ARFIP1: variants seen among roughly 807,000 people sequenced by gnomAD.
The protein encoded by ARFIP1 is arfaptin-1.
ARFIP1 carries 24 observed loss-of-function variants against 42.5 expected under a neutral mutation model. The ratio of observed to expected loss-of-function variants is 0.57; its 90% CI spans 0.41 to 0.80. The LOEUF is 0.80. Ranked by LOEUF, ARFIP1 falls within the 30% of genes least tolerant of loss-of-function variation. ARFIP1 has a pLI of 0.00. For missense variants in ARFIP1, 354 were observed against 434.0 expected (o/e 0.82, Z 1.64); for synonymous variants, 141 against 153.7 (o/e 0.92, Z 0.61).
At chr4:152,854,618 AC>A (rs1325847576) in intron 2 of ARFIP1, among the ~76,000 whole-genome samples, 1 of 152,044 alleles carries the variant, frequency 6.6e-6, no homozygotes, top group African/African-American at 2.4e-5. Context: ...GTAGGGGAGG[AC>A]TTTTTCCTGA....
chr4:152,899,650 TC>T (rs573436906), intron 8 of ARFIP1, among the ~76,000 whole-genome samples: 163 of 152,290 alleles, frequency 1.1e-3, no homozygotes, highest in Admixed American at 2.3e-3. Flanking sequence ...CAGGCCTTTC[TC>T]CAGTTAAAGC....
intron 5 of ARFIP1, among the ~76,000 whole-genome samples, chr4:152,878,388 A>G (rs1033914697): frequency 1.3e-5 from 2 of 152,232 alleles, no homozygotes; most frequent in Non-Finnish European, 2.9e-5. Flanking sequence ...AGCAATTTAA[A>G]TAAAAATCCA....
intron 3 of ARFIP1, among the ~76,000 whole-genome samples, chr4:152,864,316 T>C (rs886626756): frequency 1.1e-4 from 16 of 152,216 alleles, no homozygotes; most frequent in African/African-American, 2.7e-4. Flanking sequence ...ATTAATATTC[T>C]TTAAGCATTC....
intron 5 of ARFIP1, among the ~76,000 whole-genome samples, chr4:152,874,852 C>G (rs1206509713): frequency 6.6e-6 from 1 of 151,904 alleles, no homozygotes; most frequent in Non-Finnish European, 1.5e-5. Flanking sequence ...TTGTGGAGAG[C>G]GAGTCTCCCT....
chr4:152,883,840 T>C (rs530508870), intron 7 of ARFIP1, among the ~76,000 whole-genome samples: 4 of 151,968 alleles, frequency 2.6e-5, no homozygotes, highest in Non-Finnish European at 4.4e-5. Flanking sequence ...TTGAGGTTTT[T>C]TTCTTTTGAG....
chr4:152,842,853 G>T (rs1732207151), intron 2 of ARFIP1, among the ~76,000 whole-genome samples: 1 of 151,098 alleles, frequency 6.6e-6, no homozygotes, highest in Admixed American at 6.6e-5. Context: ...CCTTGCATTG[G>T]TCTTCGCATT....
chr4:152,788,892 C>G (rs1308339899), intron 1 of ARFIP1, among the ~76,000 whole-genome samples: 12 of 125,926 alleles, frequency 9.5e-5, no homozygotes, highest in African/African-American at 3.7e-4. Flanking sequence ...TTGACAGTTT[C>G]TCAGATTTCC....
chr4:152,781,033 TC>T (rs1367615640), intron 1 of ARFIP1, among the ~76,000 whole-genome samples: 25 of 152,166 alleles, frequency 1.6e-4, no homozygotes, highest in Non-Finnish European at 2.9e-5. Context: ...ATAAAATTCA[TC>T]TAACTACATT....
intron 2 of ARFIP1, among the ~76,000 whole-genome samples, chr4:152,847,903 T>C (rs1375098244): frequency 6.6e-6 from 1 of 152,210 alleles, no homozygotes; most frequent in African/African-American, 2.4e-5. Flanking sequence ...TCCACTAATG[T>C]AGGGTGTTTT....
At chr4:152,874,533 G>C (rs1166755617) in intron 5 of ARFIP1, among the ~76,000 whole-genome samples, 1 of 152,134 alleles carries the variant, frequency 6.6e-6, no homozygotes, top group Non-Finnish European at 1.5e-5. Flanking sequence ...ATGACTCTCT[G>C]TGTTCTTACT....
chr4:152,781,318 G>A (rs1204963443), intron 1 of ARFIP1, among the ~76,000 whole-genome samples: 7 of 141,588 alleles, frequency 4.9e-5, no homozygotes, highest in African/African-American at 1.6e-4. Context: ...TCACCGCAAC[G>A]TCCACCTCCC....
chr4:152,886,724 T>C (rs1477055195), intron 7 of ARFIP1, among the ~76,000 whole-genome samples: 2 of 152,010 alleles, frequency 1.3e-5, no homozygotes, highest in Non-Finnish European at 2.9e-5. Flanking sequence ...TCCTCTAGAA[T>C]GCGAGCTTCT....
intron 2 of ARFIP1, among the ~76,000 whole-genome samples, chr4:152,831,437 A>T (rs1463549685): frequency 6.6e-6 from 1 of 152,012 alleles, no homozygotes; most frequent in Admixed American, 6.6e-5. Flanking sequence ...TCTTAAGCCT[A>T]TTTTTTTTCT....
intron 2 of ARFIP1, among the ~76,000 whole-genome samples, chr4:152,843,699 G>A (rs1287678923): frequency 1.3e-5 from 2 of 152,108 alleles, no homozygotes; most frequent in Non-Finnish European, 2.9e-5. Context: ...GGAAGTGGGG[G>A]AAAGCCGGCA....
intron 1 of ARFIP1, among the ~76,000 whole-genome samples, chr4:152,780,988 C>G (rs540476615): frequency 6.6e-6 from 1 of 152,122 alleles, no homozygotes; most frequent in Non-Finnish European, 1.5e-5. Flanking sequence ...CTTAGGATTT[C>G]TGTCCCCCGC....
chr4:152,907,976 A>G (rs1320730238), intron 8 of ARFIP1, among the ~76,000 whole-genome samples: 1 of 152,228 alleles, frequency 6.6e-6, no homozygotes, highest in Non-Finnish European at 1.5e-5. Flanking sequence ...TTCAAAAACA[A>G]TTGTACATAT....
chr4:152,790,382 A>G (rs1166551935), intron 1 of ARFIP1, among the ~76,000 whole-genome samples: 3 of 152,214 alleles, frequency 2.0e-5, no homozygotes, highest in Non-Finnish European at 4.4e-5. Context: ...CTTCACTGCT[A>G]ATGTTCTGGA....
intron 8 of ARFIP1, among the ~76,000 whole-genome samples, chr4:152,889,796 A>G (rs1393121980): frequency 4.5e-5 from 1 of 22,432 alleles, no homozygotes; most frequent in Non-Finnish European, 8.1e-5. Context: ...TATATTATAT[A>G]CTATACTATA....
In ARFIP1 at chr4:152,889,935, A is replaced by G. The variant is rs1373318896; in HGVS notation, c.966+1628A>G. ...AATATATAGTGTATGTATACTATAC[A>G]TACACTATATATTTTAGTCATATAT... On this transcript the variant is annotated intron_variant, in intron 8 of 8. Coordinates refer to ENST00000353617, the MANE Select transcript of ARFIP1 (RefSeq NM_001025595.3). Among the ~76,000 whole-genome samples the G allele has an allele frequency of 2.1e-5, 3 of 140,954 alleles. No individual in the cohort carries two copies. The East Asian group carries it at 6.1e-4, about 28-fold the overall frequency. 92.5% of individuals were successfully genotyped at this position (140,954 alleles called of 152,430 possible).
Sources: allele counts gnomAD v4.1 joint callset (sites outside exome capture counted in the v4.1 genomes callset), GRCh38; gene constraint gnomAD v4.1.1; transcripts MANE v1.5; gene names NCBI Gene and HGNC (gene_info 2026-07-23, HGNC 2026-07-21).